The following PNKD variants were observed in gnomAD, a reference collection of about 807,000 sequenced individuals.
PNKD encodes the protein probable thioesterase PNKD.
In PNKD, 36 loss-of-function variants were observed where a neutral mutation model predicts 45.3. The ratio of observed to expected loss-of-function variants is 0.80; its 90% CI spans 0.61 to 1.05. The LOEUF (loss-of-function observed/expected upper bound fraction) is 1.05, where lower values mean the gene tolerates loss of function less well. PNKD is among the 50% of genes least tolerant of loss of function. The pLI, the probability that PNKD is intolerant of heterozygous loss-of-function variation, is 0.00. For missense variants in PNKD, 511 were observed against 506.6 expected (o/e 1.01, Z -0.08); for synonymous variants, 197 against 210.1 (o/e 0.94, Z 0.54).
intron 2 of PNKD, among the ~76,000 whole-genome samples, chr2:218,299,238 T>G (rs1693213747): frequency 6.6e-6 from 1 of 151,868 alleles, no homozygotes; most frequent in South Asian, 2.1e-4. Flanking sequence ...GCGTCCGAGG[T>G]TTAAACGATT....
At chr2:218,316,523 G>T (rs999686294) in intron 2 of PNKD, among the ~76,000 whole-genome samples, 11 of 152,090 alleles carry the variant, frequency 7.2e-5, no homozygotes, top group African/African-American at 2.7e-4. Context: ...CGCCTGCCTT[G>T]GCCTCCCAAA....
chr2:218,313,844 A>G (rs1020006879), intron 2 of PNKD, among the ~76,000 whole-genome samples: 12 of 147,842 alleles, frequency 8.1e-5, no homozygotes. Context: ...TGTTTTTAAT[A>G]TTGGCATTTT....
chr2:218,305,081 A>G (rs978886374), intron 2 of PNKD, among the ~76,000 whole-genome samples: 16 of 151,704 alleles, frequency 1.1e-4, no homozygotes, highest in African/African-American at 3.9e-4. Flanking sequence ...TCAAAAATAA[A>G]TAAATAAATA....
intron 2 of PNKD, chr2:218,272,883 C>T: frequency 6.3e-7 from 1 of 1,585,214 alleles, no homozygotes; most frequent in Non-Finnish European, 8.6e-7. Flanking sequence ...CCAAACCCTA[C>T]CCTGCCCCAC....
At chr2:218,297,997 C>CA (rs60172979) in intron 2 of PNKD, among the ~76,000 whole-genome samples, 78,329 of 129,910 alleles carry the variant, frequency 0.6, 22,458 homozygotes, top group African/African-American at 0.65. Context: ...GACTCCATCT[C>CA]AAAAAAAAAA....
At chr2:218,322,550 T>C (rs1694016466) in intron 2 of PNKD, among the ~76,000 whole-genome samples, 2 of 152,298 alleles carry the variant, frequency 1.3e-5, no homozygotes, top group South Asian at 4.1e-4. Flanking sequence ...CCTCTTCCTA[T>C]CCTTCAGGGC....
chr2:218,290,596 G>T (rs968727972), intron 2 of PNKD, among the ~76,000 whole-genome samples: 1 of 152,180 alleles, frequency 6.6e-6, no homozygotes, highest in African/African-American at 2.4e-5. Flanking sequence ...AGGGCCGGGG[G>T]ACATATCCAG....
At chr2:218,338,203 G>A (rs1434246523) in intron 2 of PNKD, among the ~76,000 whole-genome samples, 1 of 151,990 alleles carries the variant, frequency 6.6e-6, no homozygotes, top group Non-Finnish European at 1.5e-5. Context: ...GCTCACACCT[G>A]TAATCCCAGC....
At chr2:218,311,348 A>C (rs1295244666) in intron 2 of PNKD, among the ~76,000 whole-genome samples, 1 of 152,156 alleles carries the variant, frequency 6.6e-6, no homozygotes, top group Non-Finnish European at 1.5e-5. Flanking sequence ...ATAGAGAAAG[A>C]ACTGTGGGTC....
chr2:218,341,678 A>G (rs1574720124), intron 6 of PNKD, 52 bp downstream of exon 6: 2 of 1,310,956 alleles, frequency 1.5e-6, no homozygotes, highest in Non-Finnish European at 2.2e-6. Flanking sequence ...CCTTTCCCCC[A>G]CCCCCAGCCT....
chr2:218,304,702 C>T (rs950684982), intron 2 of PNKD, among the ~76,000 whole-genome samples: 3 of 152,216 alleles, frequency 2.0e-5, no homozygotes, highest in African/African-American at 7.2e-5. Context: ...TCAAATAAAA[C>T]CATAATTGAA....
chr2:218,321,535 G>C (rs901840980), intron 2 of PNKD, among the ~76,000 whole-genome samples: 2 of 151,366 alleles, frequency 1.3e-5, no homozygotes, highest in African/African-American at 4.9e-5. Flanking sequence ...TCAGGTATTG[G>C]AATTACAATT....
intron 2 of PNKD, chr2:218,278,903 G>A (rs953673859): frequency 1.4e-5 from 14 of 998,306 alleles, no homozygotes; most frequent in East Asian, 1.3e-4. Flanking sequence ...CACACCCTCT[G>A]GCACGGGAAA....
chr2:218,281,144 T>TG (rs1173145823), intron 2 of PNKD, among the ~76,000 whole-genome samples: 2 of 130,844 alleles, frequency 1.5e-5, no homozygotes, highest in Non-Finnish European at 3.4e-5. Context: ...TTTTTTGGTT[T>TG]TTTTTTTGAG....
chr2:218,285,971 T>A (rs1348149694), intron 2 of PNKD: 2 of 154,772 alleles, frequency 1.3e-5, no homozygotes, highest in Non-Finnish European at 2.9e-5. Context: ...AGGGTCAGTG[T>A]TTACTTTCGT....
At chr2:218,275,354 A>G in intron 2 of PNKD, 1 of 1,367,640 alleles carries the variant, frequency 7.3e-7, no homozygotes, top group East Asian at 2.4e-5. Flanking sequence ...GACAGAAAGG[A>G]AACTGGGCAT....
intron 2 of PNKD, among the ~76,000 whole-genome samples, chr2:218,308,939 T>TCTTTCTCC (rs1693507566): frequency 6.6e-6 from 1 of 152,040 alleles, no homozygotes; most frequent in Non-Finnish European, 1.5e-5. Flanking sequence ...TCTCTTTCTC[T>TCTTTCTCC]CTTTCTCCTT....
chr2:218,341,781 T>C, intron 6 of PNKD, 155 bp downstream of exon 6: 1 of 765,500 alleles, frequency 1.3e-6, no homozygotes, highest in Non-Finnish European at 2.3e-6. Flanking sequence ...GCACTGCCCA[T>C]CCCCCAACTG....
At chr2:218,279,072 C>A (rs751465717) in intron 2 of PNKD, 1 of 1,614,168 alleles carries the variant, frequency 6.2e-7, no homozygotes, top group Non-Finnish European at 8.5e-7. Flanking sequence ...TTTCTCCTCA[C>A]AAAGGCGCTG....
Sources: gnomAD v4.1 joint callset for allele counts (sites outside exome capture counted in the v4.1 genomes callset) on GRCh38, gnomAD v4.1.1 for gene constraint, MANE v1.5 for transcripts, NCBI Gene and HGNC (gene_info 2026-07-23, HGNC 2026-07-21) for gene names.